The following FYB2 variants were observed in gnomAD, a reference collection of about 807,000 sequenced individuals.
FYB2 encodes the protein FYN binding protein 2.
Under a neutral mutation model 94.1 loss-of-function variants are expected in FYB2, and 103 were observed. That is an observed-to-expected ratio of 1.09 (90% CI 0.93 to 1.29). FYB2 has a LOEUF of 1.29. FYB2 is among the 50% of genes most tolerant of loss of function. The pLI, the probability that FYB2 is intolerant of heterozygous loss-of-function variation, is 0.00. For synonymous variants in FYB2, 293 were observed against 287.9 expected (o/e 1.02, Z -0.18); for missense variants, 896 against 841.5 (o/e 1.06, Z -0.80).
chr1:56,819,488 G>A (rs767704531), upstream of FYB2: 21 of 697,292 alleles, frequency 3.0e-5, no homozygotes, highest in Admixed American at 3.0e-4. Flanking sequence ...AGGGCCGGCC[G>A]CCATCCTCCC....
At chr1:56,720,131 A>G (rs545109810) in intron 18 of FYB2, 42 bp downstream of exon 18, 1 of 1,585,432 alleles carries the variant, frequency 6.3e-7, no homozygotes, top group African/African-American at 1.4e-5. Context: ...AAGATTTTTT[A>G]AAAAGAATGA....
At position 56,740,718 on chromosome 1, in the gene FYB2, G is replaced by T. The variant is rs368189394; in HGVS notation, c.1682C>A (p.Thr561Asn). The T allele has an allele frequency of 1.1e-5, 18 of 1,602,904 alleles. No homozygotes were observed. Among genetic ancestry groups the T allele is most frequent in the African/African-American group, 1.3e-5 (1 of 74,264 alleles). ...KEKDRFKIKK[T>N]KSKENLSAFS... ...TTACCTTAAGTTTTCTTTCGACTTG[G>T]TTTTCTTTATTTTAAATCTATCCTT... The change falls in exon 13 of 20, where the codon ACC becomes AAC. Residue 561 changes from threonine (T) to asparagine (N), a missense_variant. Physicochemically the swap from Thr to Asn is moderately conservative, Grantham distance 65. Transcript: ENST00000343433.
chr1:56,825,393 T>G, the FYB2 span, among the ~76,000 whole-genome samples: 5 of 152,194 alleles, frequency 3.3e-5, no homozygotes, highest in Admixed American at 2.6e-4. Context: ...GTGGTCACCC[T>G]GCTCACCTGC....
chr1:56,755,411 G>T (rs1645303741), intron 7 of FYB2, among the ~76,000 whole-genome samples: 1 of 152,116 alleles, frequency 6.6e-6, no homozygotes, highest in Admixed American at 6.5e-5. Context: ...TACATGAGGG[G>T]TGCTTGATGG....
At chr1:56,752,788 G>T (rs1374865880) in intron 8 of FYB2, among the ~76,000 whole-genome samples, 1 of 152,066 alleles carries the variant, frequency 6.6e-6, no homozygotes, top group Non-Finnish European at 1.5e-5. Context: ...CCCATATCTG[G>T]CTTACGCCAC....
intron 2 of FYB2, 118 bp downstream of exon 2, chr1:56,791,938 A>G (rs113840180): frequency 2.9e-6 from 4 of 1,363,434 alleles, no homozygotes; most frequent in Non-Finnish European, 3.9e-6. Context: ...TCACGTGGAG[A>G]GTCTGGAGCC....
At chr1:56,815,034 C>T (rs919945241) in intron 1 of FYB2, among the ~76,000 whole-genome samples, 2 of 152,086 alleles carry the variant, frequency 1.3e-5, no homozygotes, top group Admixed American at 6.5e-5. Flanking sequence ...GCTCTCTTGG[C>T]TTACAGGATA....
chr1:56,822,747 T>TAAA (rs10657945), upstream of FYB2, among the ~76,000 whole-genome samples: 1,031 of 144,548 alleles, frequency 7.1e-3, 5 homozygotes, highest in South Asian at 0.016. Flanking sequence ...TACCCCGATG[T>TAAA]AAAAAAAAAA....
chr1:56,796,687 C>G (rs964836677), intron 1 of FYB2, among the ~76,000 whole-genome samples: 6 of 152,162 alleles, frequency 3.9e-5, no homozygotes, highest in African/African-American at 1.4e-4. Context: ...TCTTAATGCT[C>G]CAACGTCACA....
chr1:56,734,802 C>G (rs1303214247), intron 15 of FYB2, among the ~76,000 whole-genome samples: 1 of 151,874 alleles, frequency 6.6e-6, no homozygotes, highest in Non-Finnish European at 1.5e-5. Flanking sequence ...TACCCTAGAA[C>G]TTAAAGTATA....
At chr1:56,793,510 G>A (rs1646322964) in intron 1 of FYB2, among the ~76,000 whole-genome samples, 1 of 152,162 alleles carries the variant, frequency 6.6e-6, no homozygotes, top group African/African-American at 2.4e-5. Flanking sequence ...TCACTTACAA[G>A]TAGGAGCTAA....
intron 5 of FYB2, among the ~76,000 whole-genome samples, chr1:56,761,242 C>A (rs1645486841): frequency 6.6e-6 from 1 of 152,104 alleles, no homozygotes; most frequent in Non-Finnish European, 1.5e-5. Context: ...TTAAAAGAAA[C>A]TAACATTTTT....
rs1008394758 is a variant in FYB2 at position 56,725,000 on chromosome 1, G to A, written c.1881-1319C>T. Among the ~76,000 whole-genome samples, 8 of 152,006 alleles carry A rather than the reference G, an allele frequency of 5.3e-5. No individual in the cohort carries two copies. In the South Asian group the frequency reaches 1.7e-3, roughly 32 times the overall value. Reference sequence around the variant, plus strand: ...AGCCTGGCATCTCATTTGTTAAAATGAGCCTGGCACCTCACTTGTCTGTCT... The same window carrying A: ...AGCCTGGCATCTCATTTGTTAAAATAAGCCTGGCACCTCACTTGTCTGTCT... On this transcript the variant is annotated intron_variant, in intron 16 of 19. Transcript: ENST00000343433.
intron 4 of FYB2, among the ~76,000 whole-genome samples, chr1:56,784,823 G>A (rs1213924876): frequency 6.6e-6 from 1 of 152,120 alleles, no homozygotes; most frequent in Admixed American, 6.6e-5. Context: ...TCAGAACGGT[G>A]TTTATATCAG....
At chr1:56,735,932 A>T (rs945440983) in intron 15 of FYB2, among the ~76,000 whole-genome samples, 4 of 152,180 alleles carry the variant, frequency 2.6e-5, no homozygotes, top group Admixed American at 2.6e-4. Flanking sequence ...TATATCATAT[A>T]GTTTTAAATA....
chr1:56,725,949 C>T (rs1381048074), intron 16 of FYB2, among the ~76,000 whole-genome samples: 2 of 152,168 alleles, frequency 1.3e-5, no homozygotes, highest in African/African-American at 2.4e-5. Context: ...AGTAAGTAAC[C>T]ACCTGCCTCA....
chr1:56,779,161 T>C (rs1645951732), intron 4 of FYB2, among the ~76,000 whole-genome samples: 1 of 152,104 alleles, frequency 6.6e-6, no homozygotes, highest in Non-Finnish European at 1.5e-5. Context: ...AAGAAACCTA[T>C]AAGAATATAT....
intron 9 of FYB2, among the ~76,000 whole-genome samples, chr1:56,746,519 T>C (rs1645070981): frequency 6.6e-6 from 1 of 152,080 alleles, no homozygotes; most frequent in Admixed American, 6.6e-5. Context: ...CCAGCGGTAC[T>C]TATTTTTGAA....
chr1:56,742,081 T>G lies in FYB2; in HGVS notation c.1604+80A>C. 3.2e-6 allele frequency: 4 copies of G among 1,269,584 alleles called. No individual in the cohort carries two copies. In the South Asian group the frequency reaches 5.2e-5, roughly 16 times the overall value. The allele number at this position is 1,269,584 out of a possible 1,614,324, so 78.6% of individuals were successfully genotyped here. On this transcript the variant is annotated intron_variant, in intron 12 of 19. Coordinates refer to ENST00000343433, the MANE Select transcript of FYB2 (RefSeq NM_001004303.5). ...GGCAGTGGGGCTGGGGGGCGGATGG[T>G]GGGTCCTCACTGAAACTCTGGCTTT...
Sources: gnomAD v4.1 joint callset for allele counts (sites outside exome capture counted in the v4.1 genomes callset) on GRCh38, gnomAD v4.1.1 for gene constraint, MANE v1.5 for transcripts, NCBI Gene and HGNC (gene_info 2026-07-23, HGNC 2026-07-21) for gene names.